SV2B: variants seen among roughly 807,000 people sequenced by gnomAD.
SV2B encodes the protein solute carrier family 22 member B2.
A neutral mutation model predicts 73.9 loss-of-function variants in SV2B; 41 were observed. The ratio of observed to expected loss-of-function variants is 0.56; its 90% CI spans 0.43 to 0.72. The LOEUF is 0.72. Ranked by LOEUF, SV2B falls within the 30% of genes least tolerant of loss-of-function variation. The pLI is 0.00. For synonymous variants in SV2B, 314 were observed against 314.2 expected (o/e 1.00, Z 0.01); for missense variants, 764 against 857.8 (o/e 0.89, Z 1.37).
intron 6 of SV2B, among the ~76,000 whole-genome samples, chr15:91,263,956 C>G (rs1400995203): frequency 6.6e-6 from 1 of 152,234 alleles, no homozygotes; most frequent in Non-Finnish European, 1.5e-5. Flanking sequence ...GAGTGTCTTT[C>G]TGGGATTTCC....
chr15:91,146,462 T>A (rs1351575640), intron 1 of SV2B, among the ~76,000 whole-genome samples: 3 of 152,284 alleles, frequency 2.0e-5, no homozygotes, highest in South Asian at 2.1e-4. Flanking sequence ...ATTTAAAAAA[T>A]TTTTCGAGTT....
rs764498575 is a variant in SV2B, at chr15:91,227,157, G to A, written c.451+443G>A. On this transcript the variant is annotated intron_variant, in intron 2 of 12. Coordinates refer to ENST00000394232, the MANE Select transcript of SV2B (RefSeq NM_001323032.3). This position sits in a 1 kb window ranked among gnomAD's most constrained non-coding sequence, Gnocchi z 4.5. ...TTCTCTCTGTGTCTTTCCAGAGTCC[G>A]ATGGTGTCTGTTCCTGGTTTCTCAT... Among the ~76,000 whole-genome samples the A allele has an allele frequency of 4.6e-5, 7 of 152,114 alleles. No individual in the cohort carries two copies. The highest frequency in any genetic ancestry group is 9.7e-5 in the African/African-American group (4 of 41,430).
In SV2B at chr15:91,226,462, G is replaced by A; in HGVS notation, c.199G>A (p.Ala67Thr). The A allele has an allele frequency of 1.9e-6, 3 of 1,614,210 alleles. No individual in the cohort carries two copies. In the South Asian group the frequency reaches 3.3e-5, roughly 18 times the overall value. ...TGTCAAGGCCAAGCAGGCCAAGATG[G>A]CGCCCTCCAGAATGGACAGCCTTCG... ...DDVKAKQAKM[A>T]PSRMDSLRGQ... The change falls in exon 2 of 13, where the codon GCG becomes ACG. Residue 67 changes from alanine (A) to threonine (T), a missense_variant. Coordinates refer to ENST00000394232, the MANE Select transcript of SV2B (RefSeq NM_001323032.3).
In SV2B at chr15:91,223,756, G is replaced by A. The variant is rs1318693565; in HGVS notation, c.-391-2117G>A. On this transcript the variant is annotated intron_variant, in intron 1 of 12. Coordinates refer to ENST00000394232, the MANE Select transcript of SV2B (RefSeq NM_001323032.3). The surrounding 1 kb of genome is among the most constrained non-coding windows in gnomAD (Gnocchi z 4.6). ...TGGTTCAGGCCAACATGGTCTAATA[G>A]AAATTTATTTACTGGAGATGGTGAA... Among the ~76,000 whole-genome samples, 1 of 152,226 alleles carries A rather than the reference G, an allele frequency of 6.6e-6. No individual in the cohort carries two copies. The highest frequency in any genetic ancestry group is 2.4e-5 in the African/African-American group (1 of 41,468).
At position 91,234,260 on chromosome 15, in the gene SV2B, T is replaced by C. The variant is rs1489698567; in HGVS notation, c.451+7546T>C. Among the ~76,000 whole-genome samples the C allele has an allele frequency of 6.6e-6, 1 of 152,212 alleles. No homozygotes were observed. Among genetic ancestry groups the C allele is most frequent in the Non-Finnish European group, 1.5e-5 (1 of 68,032 alleles). On this transcript the variant is annotated intron_variant, in intron 2 of 12. Coordinates refer to ENST00000394232, the MANE Select transcript of SV2B (RefSeq NM_001323032.3). The surrounding 1 kb of genome is among the most constrained non-coding windows in gnomAD (Gnocchi z 5.6). ...CTTGGAGGGTTCAGAGGACACATCT[T>C]TTACCATGACTATGTGAGTTTTTTG...
chr15:91,253,998 T>G lies in SV2B; in HGVS notation c.784+1478T>G, dbSNP rs1347234136. ...AGAGTTTTCCAGCCAATTCTGTCAT[T>G]CTAGTTCTCCATAATTTTAGATACA... On this transcript the variant is annotated intron_variant, in intron 4 of 12. Coordinates refer to ENST00000394232, the MANE Select transcript of SV2B (RefSeq NM_001323032.3). This position sits in a 1 kb window ranked among gnomAD's most constrained non-coding sequence, Gnocchi z 5.0. 6.6e-6 allele frequency among the ~76,000 whole-genome samples: 1 copy of G among 152,204 alleles called. No individual in the cohort carries two copies. Among genetic ancestry groups the G allele is most frequent in the Admixed American group, 6.5e-5 (1 of 15,286 alleles).
chr15:91,230,681 T>A (rs1375730211), intron 2 of SV2B, among the ~76,000 whole-genome samples: 1 of 152,214 alleles, frequency 6.6e-6, no homozygotes, highest in Admixed American at 6.5e-5. Flanking sequence ...CATTTGTTAA[T>A]TAAACTCTTC....
chr15:91,112,369 T>C (rs2042061374), intron 1 of SV2B, among the ~76,000 whole-genome samples: 1 of 152,128 alleles, frequency 6.6e-6, no homozygotes, highest in Non-Finnish European at 1.5e-5. Context: ...TGGCCGGGTG[T>C]GAATTAAGCA....
At chr15:91,186,310 A>G (rs1168265911) in intron 1 of SV2B, among the ~76,000 whole-genome samples, 1 of 152,216 alleles carries the variant, frequency 6.6e-6, no homozygotes, top group East Asian at 1.9e-4. Flanking sequence ...TACAGTTTAT[A>G]TTTTGCTATA....
chr15:91,266,035 C>T lies in SV2B; in HGVS notation c.1009-547C>T, dbSNP rs113983157. 6.4e-3 allele frequency among the ~76,000 whole-genome samples: 980 copies of T among 152,156 alleles called. 6 individuals are homozygous for T. The highest frequency in any genetic ancestry group is 0.022 in the African/African-American group (931 of 41,524). On this transcript the variant is annotated intron_variant, in intron 6 of 12. Transcript: ENST00000394232. ...GTGCAGGCATGTAGTCCCAGCTACT[C>T]GGGAGGCTGAGGCAGGAGAATCGTT...
In SV2B at chr15:91,111,535, A is replaced by G. The variant is rs116156597; in HGVS notation, c.-392+11172A>G. Among the ~76,000 whole-genome samples the G allele has an allele frequency of 3.1e-3, 470 of 152,294 alleles. 2 individuals are homozygous for G. The highest frequency in any genetic ancestry group is 0.011 in the African/African-American group (456 of 41,572). ...AGAAGACGGGGGGCCAGGCAAAGCT[A>G]TTGGACAGGAGAGGGGATATTGTCT... On this transcript the variant is annotated intron_variant, in intron 1 of 12. Coordinates refer to ENST00000394232, the MANE Select transcript of SV2B (RefSeq NM_001323032.3).
At position 91,276,805 on chromosome 15, in the gene SV2B, G is replaced by GTTGTTGTTATTATTA. The variant is rs528279430; in HGVS notation, c.1374-4921_1374-4920insGTTGTTATTATTATT. Among the ~76,000 whole-genome samples, 7 of 92,120 alleles carry GTTGTTGTTATTATTA rather than the reference G, an allele frequency of 7.6e-5. No individual in the cohort carries two copies. In the South Asian group the frequency reaches 9.3e-4, roughly 12 times the overall value. The allele number at this position is 92,120 out of a possible 152,430, so 60.4% of individuals were successfully genotyped here. On this transcript the variant is annotated intron_variant, in intron 9 of 12. Transcript: ENST00000394232. ...TTCCAGTATTTATATTATTGTTGTT[G>GTTGTTGTTATTATTA]TTATTATTATTATTATTATTATTAT...
chr15:91,106,971 C>T lies in SV2B; in HGVS notation c.-392+6608C>T, dbSNP rs1024929551. ...TCAGCCTCAGGCTGTGGGTGCTGTC[C>T]ATTTTCTTCTCGTGGTGTGTCTGAT... On this transcript the variant is annotated intron_variant, in intron 1 of 12. Coordinates refer to ENST00000394232, the MANE Select transcript of SV2B (RefSeq NM_001323032.3). This position sits in a 1 kb window ranked among gnomAD's most constrained non-coding sequence, Gnocchi z 4.4. 6.6e-6 allele frequency among the ~76,000 whole-genome samples: 1 copy of T among 152,112 alleles called. No individual in the cohort carries two copies. The highest frequency in any genetic ancestry group is 1.5e-5 in the Non-Finnish European group (1 of 68,010).
rs760507104 is a variant in SV2B at position 91,251,986 on chromosome 15, A to G, written c.619A>G (p.Ile207Val). 1 of 1,613,970 alleles carries G rather than the reference A, an allele frequency of 6.2e-7. No individual in the cohort carries two copies. The highest frequency in any genetic ancestry group is 1.7e-5 in the Admixed American group (1 of 60,020). ...TGGAGCCTTCCTCTTCTGCCGACTC[A>G]TCTCAGGCATCGGGTATGTTCTTAG... ...GYGAFLFCRL[I>V]SGIGIGGALP... The change falls in exon 3 of 13, where the codon ATC becomes GTC. Residue 207 changes from isoleucine to valine, a missense_variant. Transcript: ENST00000394232.
chr15:91,205,411 A>G lies in SV2B; in HGVS notation c.-391-20462A>G, dbSNP rs561474911. Reference sequence around the variant, plus strand: ...AACACAGGGTCTCACTCTGTTGCCCAGGCTGGAGTACAGTGGTGATCTCGG... The same window carrying G: ...AACACAGGGTCTCACTCTGTTGCCCGGGCTGGAGTACAGTGGTGATCTCGG... On this transcript the variant is annotated intron_variant, in intron 1 of 12. Transcript: ENST00000394232. Among the ~76,000 whole-genome samples, 11 of 151,670 alleles carry G rather than the reference A, an allele frequency of 7.3e-5. 1 individual carries two copies. In the South Asian group the frequency reaches 2.3e-3, roughly 32 times the overall value.
At chr15:91,158,724 C>CTCTCCTCTCCTCTTT (rs1555473901) in intron 1 of SV2B, among the ~76,000 whole-genome samples, 20 of 56,664 alleles carry the variant, frequency 3.5e-4, no homozygotes, top group Non-Finnish European at 6.6e-4. Context: ...CTCTCCTCTC[C>CTCTCCTCTCCTCTTT]TCTCTTCTCC....
intron 11 of SV2B, among the ~76,000 whole-genome samples, chr15:91,285,667 T>C (rs1054094581): frequency 6.6e-5 from 10 of 152,212 alleles, no homozygotes; most frequent in Admixed American, 2.6e-4. Flanking sequence ...CTCAGTGAGA[T>C]AAGGGGTGTG....
In SV2B at chr15:91,214,365, G is replaced by A. The variant is rs17693539; in HGVS notation, c.-391-11508G>A. 0.031 allele frequency among the ~76,000 whole-genome samples: 4,782 copies of A among 152,284 alleles called. 194 individuals are homozygous for A. Among genetic ancestry groups the A allele is most frequent in the East Asian group, 0.12 (601 of 5,180 alleles). On this transcript the variant is annotated intron_variant, in intron 1 of 12. Transcript: ENST00000394232. This position sits in a 1 kb window ranked among gnomAD's most constrained non-coding sequence, Gnocchi z 4.7. ...TCTGCAGGAATTAGGGAATACCTAG[G>A]AAGGCATATCTGTGTGTGTGTTTAT...
chr15:91,161,002 G>A (rs372573559), intron 1 of SV2B, among the ~76,000 whole-genome samples: 22 of 150,440 alleles, frequency 1.5e-4, no homozygotes, highest in African/African-American at 4.4e-4. Context: ...CCACGGATGC[G>A]TGCAGCCCCA....
Sources: allele counts gnomAD v4.1 joint callset (sites outside exome capture counted in the v4.1 genomes callset), GRCh38; gene constraint gnomAD v4.1.1; non-coding constraint Gnocchi (gnomAD v3.1); transcripts MANE v1.5; gene names NCBI Gene and HGNC (gene_info 2026-07-23, HGNC 2026-07-21).